Variants in HCRTR2 observed in about 807,000 individuals in gnomAD.
The protein encoded by HCRTR2 is hypocretin receptor 2, also known as orexin receptor type 2.
In HCRTR2, 22 loss-of-function variants were observed where a neutral mutation model predicts 49.0. The ratio of observed to expected loss-of-function variants is 0.45; its 90% CI spans 0.32 to 0.64. The LOEUF (loss-of-function observed/expected upper bound fraction) is 0.64. Among genes scored for constraint, HCRTR2 ranks in the 30% least tolerant of loss-of-function variants. The probability of loss-of-function intolerance (pLI) is 0.04; values close to 1 mark genes in which losing one functional copy is unlikely to be tolerated. For synonymous variants in HCRTR2, 236 were observed against 205.3 expected (o/e 1.15, Z -1.28); for missense variants, 491 against 559.4 (o/e 0.88, Z 1.23).
chr6:55,219,033 G>T lies in HCRTR2; in HGVS notation c.224-29606G>T, dbSNP rs539463177. 1.4e-4 allele frequency among the ~76,000 whole-genome samples: 21 copies of T among 152,278 alleles called. 1 individual carries two copies. In the East Asian group the frequency reaches 4.1e-3, roughly 29 times the overall value. ...CAGATGAAGTCTCGTATATTGCCCAGCTGGTCTTAAACTCTTGGGCTCAAG... is the reference window on the plus strand; with the variant it reads ...CAGATGAAGTCTCGTATATTGCCCATCTGGTCTTAAACTCTTGGGCTCAAG... On this transcript the variant is annotated intron_variant, in intron 1 of 6. Transcript: ENST00000370862.
chr6:55,113,081 G>T (rs1764072021), intron 1 of HCRTR2, among the ~76,000 whole-genome samples: 1 of 152,192 alleles, frequency 6.6e-6, no homozygotes. Flanking sequence ...GCCACATGTA[G>T]AAGAATCATA....
chr6:55,266,048 A>G (rs2127324357), intron 4 of HCRTR2, among the ~76,000 whole-genome samples: 1 of 152,222 alleles, frequency 6.6e-6, no homozygotes, highest in East Asian at 1.9e-4. Flanking sequence ...CAAAACTACA[A>G]CAACAAAATA....
intron 1 of HCRTR2, among the ~76,000 whole-genome samples, chr6:55,187,250 AAAC>A (rs1326296187): frequency 6.6e-6 from 1 of 151,710 alleles, no homozygotes; most frequent in African/African-American, 2.4e-5. Flanking sequence ...ACTAAAAAAC[AAAC>A]AACAAAAAAA....
chr6:55,210,650 T>C (rs1765679597), intron 1 of HCRTR2, among the ~76,000 whole-genome samples: 1 of 152,146 alleles, frequency 6.6e-6, no homozygotes, highest in South Asian at 2.1e-4. Flanking sequence ...ATGACCCTGA[T>C]AGTTTTCCAT....
intron 1 of HCRTR2, among the ~76,000 whole-genome samples, chr6:55,199,269 T>A (rs1765469200): frequency 6.6e-6 from 1 of 151,818 alleles, no homozygotes. Flanking sequence ...GTTTTTTGTT[T>A]TTTTTTTTAA....
At chr6:55,135,991 G>T (rs533157987) in intron 1 of HCRTR2, among the ~76,000 whole-genome samples, 3 of 152,138 alleles carry the variant, frequency 2.0e-5, no homozygotes, top group Admixed American at 6.6e-5. Flanking sequence ...AACATTAATT[G>T]CATGCCTGCT....
At chr6:55,113,104 T>C (rs576897059) in intron 1 of HCRTR2, among the ~76,000 whole-genome samples, 13 of 151,984 alleles carry the variant, frequency 8.6e-5, no homozygotes, top group African/African-American at 3.1e-4. Flanking sequence ...GGATCCTCAT[T>C]TCTCACCTTA....
At chr6:55,246,010 G>A (rs1472584556) in intron 1 of HCRTR2, among the ~76,000 whole-genome samples, 1 of 151,964 alleles carries the variant, frequency 6.6e-6, no homozygotes, top group African/African-American at 2.4e-5. Flanking sequence ...ATGGCCATGT[G>A]AAGATAGAAA....
intron 1 of HCRTR2, among the ~76,000 whole-genome samples, chr6:55,113,052 G>T (rs1284666364): frequency 2.0e-5 from 3 of 152,046 alleles, no homozygotes; most frequent in Non-Finnish European, 4.4e-5. Flanking sequence ...TCAAGGAATG[G>T]TGCTAGGATA....
chr6:55,108,821 G>C (rs1764009972), intron 1 of HCRTR2, among the ~76,000 whole-genome samples: 2 of 150,990 alleles, frequency 1.3e-5, no homozygotes, highest in African/African-American at 4.9e-5. Flanking sequence ...GGGCAGAACT[G>C]GGGGGTTGGG....
intron 3 of HCRTR2, among the ~76,000 whole-genome samples, chr6:55,261,730 G>T (rs941533248): frequency 3.3e-5 from 5 of 152,110 alleles, no homozygotes; most frequent in African/African-American, 1.2e-4. Context: ...ATTCCTTAAA[G>T]AACTAAAAGT....
intron 1 of HCRTR2, among the ~76,000 whole-genome samples, chr6:55,123,733 T>C (rs908833227): frequency 6.6e-6 from 1 of 152,218 alleles, no homozygotes; most frequent in Non-Finnish European, 1.5e-5. Context: ...CTGGTAGAAT[T>C]CGGCTGTGAA....
chr6:55,134,085 T>C (rs1028023862), intron 1 of HCRTR2, among the ~76,000 whole-genome samples: 1 of 151,874 alleles, frequency 6.6e-6, no homozygotes, highest in African/African-American at 2.4e-5. Context: ...ACTTCTTACG[T>C]ACCTCTTCAT....
chr6:55,138,945 C>T (rs1003774378), intron 1 of HCRTR2, among the ~76,000 whole-genome samples: 4 of 152,168 alleles, frequency 2.6e-5, no homozygotes, highest in African/African-American at 7.2e-5. Flanking sequence ...TTAGGGGACC[C>T]TTGACATATG....
chr6:55,178,416 T>A (rs901383650), intron 1 of HCRTR2, among the ~76,000 whole-genome samples: 4 of 152,128 alleles, frequency 2.6e-5, no homozygotes, highest in African/African-American at 9.7e-5. Flanking sequence ...TTTTTATAAT[T>A]ACAAATTAAA....
chr6:55,205,918 C>T (rs995599863), intron 1 of HCRTR2, among the ~76,000 whole-genome samples: 4 of 152,136 alleles, frequency 2.6e-5, no homozygotes, highest in Admixed American at 6.5e-5. Flanking sequence ...TGTAGCGTTG[C>T]ATGCCTATTT....
intron 1 of HCRTR2, among the ~76,000 whole-genome samples, chr6:55,220,502 A>G (rs138413518): frequency 3.3e-5 from 5 of 152,194 alleles, no homozygotes; most frequent in Non-Finnish European, 7.4e-5. Context: ...ACAAAGTTTA[A>G]TACCCTTTCG....
chr6:55,124,625 T>A (rs1168239236), intron 1 of HCRTR2, among the ~76,000 whole-genome samples: 2 of 152,120 alleles, frequency 1.3e-5, no homozygotes, highest in Admixed American at 1.3e-4. Context: ...TGTCTATTAA[T>A]CTGCTTGGTC....
chr6:55,280,290 A>T, intron 5 of HCRTR2, 33 bp from the exon 6 acceptor site: 1 of 1,393,362 alleles, frequency 7.2e-7, no homozygotes, highest in Non-Finnish European at 1.0e-6. Flanking sequence ...TAATTATTTA[A>T]AAGACACTTT....
Sources: allele counts gnomAD v4.1 joint callset (sites outside exome capture counted in the v4.1 genomes callset), GRCh38; gene constraint gnomAD v4.1.1; transcripts MANE v1.5; gene names NCBI Gene and HGNC (gene_info 2026-07-23, HGNC 2026-07-21).